Variants in CDH12 observed in about 807,000 individuals in gnomAD.
CDH12 encodes cadherin 12, also known as cadherin-12.
Under a neutral mutation model 74.1 loss-of-function variants are expected in CDH12, and 41 were observed. The ratio of observed to expected loss-of-function variants is 0.55; its 90% CI spans 0.43 to 0.72. CDH12 has a LOEUF of 0.72. CDH12 is among the 30% of genes least tolerant of loss of function. The pLI is 0.00. For synonymous variants in CDH12, 399 were observed against 355.0 expected (o/e 1.12, Z -1.39); for missense variants, 945 against 977.2 (o/e 0.97, Z 0.44).
At chr5:22,587,331 A>T (rs957360235) in intron 1 of CDH12, among the ~76,000 whole-genome samples, 10 of 152,120 alleles carry the variant, frequency 6.6e-5, no homozygotes, top group African/African-American at 2.4e-4. Flanking sequence ...TGGCCTTCCC[A>T]GAACACCATA....
At chr5:22,814,523 T>C (rs1749296941) in intron 1 of CDH12, among the ~76,000 whole-genome samples, 1 of 152,194 alleles carries the variant, frequency 6.6e-6, no homozygotes, top group East Asian at 1.9e-4. Context: ...CATGTCCTAA[T>C]TCATTGATCT....
intron 6 of CDH12, among the ~76,000 whole-genome samples, chr5:21,906,689 C>T (rs983509842): frequency 6.6e-6 from 1 of 152,130 alleles, no homozygotes; most frequent in African/African-American, 2.4e-5. Context: ...GACCTGTCAC[C>T]GTTTGTGAGT....
intron 1 of CDH12, among the ~76,000 whole-genome samples, chr5:22,629,880 T>C (rs549469770): frequency 6.6e-6 from 1 of 152,132 alleles, no homozygotes; most frequent in South Asian, 2.1e-4. Context: ...GCCTAAAAGC[T>C]CCTAGGTCTG....
Position 22,004,641 on chromosome 5 carries a change from T to A in CDH12, c.232-29256A>T, listed in dbSNP as rs546412512. Among the ~76,000 whole-genome samples the A allele has an allele frequency of 4.6e-5, 7 of 152,336 alleles. No homozygotes were observed. In the East Asian group the frequency reaches 1.4e-3, roughly 29 times the overall value. ...AAATATCAACCAAATTGAGTATTGT[T>A]GTCAATCCCACTTTATTCTGTATTA... On this transcript the variant is annotated intron_variant, in intron 5 of 14. Transcript: ENST00000382254.
At chr5:22,686,711 G>A (rs1027283049) in intron 1 of CDH12, among the ~76,000 whole-genome samples, 10 of 152,088 alleles carry the variant, frequency 6.6e-5, no homozygotes, top group Non-Finnish European at 1.2e-4. Flanking sequence ...AAAGTGCCTC[G>A]TTCACTGAGT....
chr5:22,771,661 G>C (rs1746812368), intron 1 of CDH12, among the ~76,000 whole-genome samples: 1 of 151,848 alleles, frequency 6.6e-6, no homozygotes, highest in Non-Finnish European at 1.5e-5. Context: ...AACAATTATA[G>C]TAAAAATTAT....
At chr5:21,935,059 T>C (rs980062126) in intron 6 of CDH12, among the ~76,000 whole-genome samples, 1 of 152,188 alleles carries the variant, frequency 6.6e-6, no homozygotes, top group Admixed American at 6.5e-5. Context: ...GTGGTGGGAT[T>C]ACAGGCGTGA....
chr5:22,227,246 G>C (rs1752226242), intron 3 of CDH12, among the ~76,000 whole-genome samples: 1 of 151,972 alleles, frequency 6.6e-6, no homozygotes. Context: ...TCCCCATCTG[G>C]TAAGTGTTCT....
chr5:22,205,603 T>C (rs1278990071), intron 4 of CDH12, among the ~76,000 whole-genome samples: 1 of 151,982 alleles, frequency 6.6e-6, no homozygotes, highest in African/African-American at 2.4e-5. Flanking sequence ...GGGAGAAAAG[T>C]TTAAATAAAG....
At chr5:21,916,305 G>A (rs761936922) in intron 6 of CDH12, among the ~76,000 whole-genome samples, 11 of 152,166 alleles carry the variant, frequency 7.2e-5, no homozygotes, top group Non-Finnish European at 1.6e-4. Flanking sequence ...AGGAACTTAA[G>A]GTAAGTTTCA....
intron 1 of CDH12, among the ~76,000 whole-genome samples, chr5:22,815,305 C>T (rs993008531): frequency 2.0e-5 from 3 of 152,098 alleles, no homozygotes; most frequent in South Asian, 2.1e-4. Flanking sequence ...CTCCTATACT[C>T]GTATCTATTA....
intron 1 of CDH12, among the ~76,000 whole-genome samples, chr5:22,584,351 C>T (rs989180073): frequency 2.0e-5 from 3 of 152,128 alleles, no homozygotes; most frequent in Admixed American, 6.5e-5. Flanking sequence ...CCATCTGCCT[C>T]GGCTTCCCGA....
At chr5:21,849,887 T>C (rs908570217) in intron 7 of CDH12, among the ~76,000 whole-genome samples, 4 of 151,656 alleles carry the variant, frequency 2.6e-5, no homozygotes, top group African/African-American at 9.7e-5. Flanking sequence ...CAATAGTCAA[T>C]ATATGAAAAC....
chr5:22,291,930 T>C (rs979427484), intron 3 of CDH12, among the ~76,000 whole-genome samples: 2 of 152,116 alleles, frequency 1.3e-5, no homozygotes, highest in Non-Finnish European at 2.9e-5. Context: ...GCTAGAGGCA[T>C]TATACCACCT....
chr5:21,751,818 C>G lies in CDH12; in HGVS notation c.2304G>C (p.Leu768=), dbSNP rs1275227449. The G allele has an allele frequency of 6.2e-7, 1 of 1,613,954 alleles. No individual in the cohort carries two copies. Among genetic ancestry groups the G allele is most frequent in the African/African-American group, 1.3e-5 (1 of 74,874 alleles). Residue 768 remains leucine (L), a synonymous_variant, in exon 15 of 15, where the codon CTG becomes CTC. Transcript: ENST00000382254. ...CTTTAAAGCGGGGTCCCCAGTCTGTCAGATAGTCATAGTCCTGGTCGGCTT... is the reference window on the plus strand; with the variant it reads ...CTTTAAAGCGGGGTCCCCAGTCTGTGAGATAGTCATAGTCCTGGTCGGCTT... ...TTEADQDYDY[L]TDWGPRFKVL... is the part of the protein sequence containing the mutation.
chr5:22,326,393 G>A (rs1441245648), intron 3 of CDH12, among the ~76,000 whole-genome samples: 2 of 151,910 alleles, frequency 1.3e-5, no homozygotes, highest in Non-Finnish European at 2.9e-5. Context: ...CCGCAACCAC[G>A]CCGGGCTAGT....
intron 4 of CDH12, among the ~76,000 whole-genome samples, chr5:22,106,937 T>C (rs1744479136): frequency 6.6e-6 from 1 of 152,164 alleles, no homozygotes; most frequent in South Asian, 2.1e-4. Flanking sequence ...TAGATGAGCC[T>C]TCCAGCATCA....
At chr5:22,448,403 C>T (rs931544358) in intron 2 of CDH12, among the ~76,000 whole-genome samples, 3 of 151,554 alleles carry the variant, frequency 2.0e-5, no homozygotes, top group African/African-American at 7.3e-5. Flanking sequence ...GCCCTTACAC[C>T]CACAAACATA....
chr5:22,507,921 C>T (rs1286947890), intron 1 of CDH12, among the ~76,000 whole-genome samples: 2 of 152,192 alleles, frequency 1.3e-5, no homozygotes, highest in Non-Finnish European at 2.9e-5. Flanking sequence ...CGTGCCTTGC[C>T]TTGTGGCCAC....
Sources: allele counts gnomAD v4.1 joint callset (sites outside exome capture counted in the v4.1 genomes callset), GRCh38; gene constraint gnomAD v4.1.1; transcripts MANE v1.5; gene names NCBI Gene and HGNC (gene_info 2026-07-23, HGNC 2026-07-21).